ABCA4: variants seen among roughly 807,000 people sequenced by gnomAD.
The protein encoded by ABCA4 is ATP binding cassette subfamily A member 4, also known as retinal-specific phospholipid-transporting ATPase ABCA4.
In ABCA4, 196 loss-of-function variants were observed where a neutral mutation model predicts 263.7. The observed-to-expected ratio is 0.74, with a 90% CI of 0.66 to 0.84. The LOEUF (loss-of-function observed/expected upper bound fraction) is 0.84, where lower values mean the gene tolerates loss of function less well. Among genes scored for constraint, ABCA4 ranks in the 40% least tolerant of loss-of-function variants. The pLI is 0.00. For synonymous variants in ABCA4, 1,133 were observed against 1,094.2 expected, an observed-to-expected ratio of 1.04 and a Z score of -0.70; for missense variants, 2,792 against 2,855.1, an observed-to-expected ratio of 0.98 and a Z score of 0.50.
At chr1:94,013,691 T>C (rs1409686113) in intron 38 of ABCA4, among the ~76,000 whole-genome samples, 1 of 152,114 alleles carries the variant, frequency 6.6e-6, no homozygotes, top group Non-Finnish European at 1.5e-5. Flanking sequence ...CATCTGTCTC[T>C]GGACAGGGGG....
At chr1:94,115,305 C>T (rs1395967263) in intron 1 of ABCA4, among the ~76,000 whole-genome samples, 6 of 152,276 alleles carry the variant, frequency 3.9e-5, no homozygotes, top group Non-Finnish European at 7.3e-5. Flanking sequence ...TCACGTAGAT[C>T]GGCTGTCTTC....
At chr1:94,033,728 G>A (rs532968538) in intron 26 of ABCA4, among the ~76,000 whole-genome samples, 23 of 152,090 alleles carry the variant, frequency 1.5e-4, no homozygotes, top group East Asian at 3.9e-4. Context: ...TACCTATGAC[G>A]TGCCAGGCCT....
intron 1 of ABCA4, 93 bp downstream of exon 1, chr1:94,120,887 G>GGGCCC: frequency 2.9e-6 from 1 of 339,360 alleles, no homozygotes; most frequent in East Asian, 5.1e-5. Flanking sequence ...CCCCCACCCT[G>GGGCCC]CCCCACCACC....
rs1662207855 is a variant in ABCA4 at position 94,098,824 on chromosome 1, G to A, written c.738C>T (p.Ala246=). 2 of 1,614,044 alleles carry A rather than the reference G, an allele frequency of 1.2e-6. No individual in the cohort carries two copies. Among genetic ancestry groups the A allele is most frequent in the Admixed American group, 3.3e-5 (2 of 60,004 alleles). Residue 246 remains alanine, a synonymous_variant, in exon 6 of 50, where the codon GCC becomes GCT. Transcript: ENST00000370225. ...GGAAGAGCTTGAAGAAGTCCACGTT[G>A]GCATACAGAGTGTCTTCTATCCACT... ...TLQWIEDTLY[A]NVDFFKLFRV... is the part of the protein sequence containing the mutation.
intron 6 of ABCA4, among the ~76,000 whole-genome samples, chr1:94,088,913 G>A (rs1276063663): frequency 3.3e-5 from 5 of 152,254 alleles, no homozygotes; most frequent in Admixed American, 6.5e-5. Context: ...AAGTAAATCA[G>A]TCACAAGCTC....
chr1:94,101,372 C>T (rs556482042), intron 5 of ABCA4, among the ~76,000 whole-genome samples: 72 of 152,304 alleles, frequency 4.7e-4, no homozygotes, highest in African/African-American at 1.5e-3. Flanking sequence ...AGGGCCTGGC[C>T]GGAGCCGCAC....
chr1:94,024,516 C>T (rs1254893510), intron 31 of ABCA4, among the ~76,000 whole-genome samples: 1 of 152,226 alleles, frequency 6.6e-6, no homozygotes. Flanking sequence ...CTCTTTCCCA[C>T]CCTATCTTTT....
At chr1:94,017,575 T>G (rs1364621113) in intron 36 of ABCA4, among the ~76,000 whole-genome samples, 1 of 152,192 alleles carries the variant, frequency 6.6e-6, no homozygotes, top group Non-Finnish European at 1.5e-5. Context: ...AAGACATCAC[T>G]GGGGCAATGG....
intron 44 of ABCA4, among the ~76,000 whole-genome samples, chr1:94,003,747 C>A (rs1001073507): frequency 6.6e-6 from 1 of 152,168 alleles, no homozygotes; most frequent in Non-Finnish European, 1.5e-5. Flanking sequence ...ATTCCTCCCA[C>A]CTCAGCCACC....
intron 6 of ABCA4, among the ~76,000 whole-genome samples, chr1:94,091,033 G>A (rs1661953713): frequency 6.6e-6 from 1 of 152,166 alleles, no homozygotes; most frequent in Admixed American, 6.5e-5. Context: ...AGGAATTCCA[G>A]GTGGAGAAAG....
chr1:94,063,264 T>A lies in ABCA4; in HGVS notation c.1608A>T (p.Gln536His), dbSNP rs1557787865. Residue 536 changes from glutamine to histidine, a missense_variant, in exon 12 of 50, where the codon CAA (glutamine) becomes CAT (histidine). Physicochemically the swap from Gln to His is conservative, Grantham distance 24. Transcript: ENST00000370225. ...ESYNDETQLTQRALSLLEENM... is the reference protein window; with the variant it reads ...ESYNDETQLTHRALSLLEENM... Reference sequence around the variant, plus strand: ...TTTCCTCCAGTAGAGAGAGGGCACGTTGGGTGAGCTGAGTTTCATCATTGT... The same window carrying A: ...TTTCCTCCAGTAGAGAGAGGGCACGATGGGTGAGCTGAGTTTCATCATTGT... 3.1e-6 allele frequency: 5 copies of A among 1,614,114 alleles called. No individual in the cohort carries two copies. Among genetic ancestry groups the A allele is most frequent in the Non-Finnish European group, 4.2e-6 (5 of 1,180,014 alleles).
At chr1:94,064,813 G>A (rs1243500088) in intron 11 of ABCA4, among the ~76,000 whole-genome samples, 1 of 152,130 alleles carries the variant, frequency 6.6e-6, no homozygotes, top group Non-Finnish European at 1.5e-5. Context: ...CCCCGGACAC[G>A]TGCTTTCAGT....
chr1:94,097,808 G>A (rs993448830), intron 6 of ABCA4, among the ~76,000 whole-genome samples: 1 of 152,186 alleles, frequency 6.6e-6, no homozygotes, highest in African/African-American at 2.4e-5. Flanking sequence ...GGAGTGCAGT[G>A]GCGCAATCTC....
intron 11 of ABCA4, among the ~76,000 whole-genome samples, chr1:94,068,750 A>G (rs770838571): frequency 2.0e-4 from 31 of 152,178 alleles, no homozygotes; most frequent in Admixed American, 3.3e-4. Flanking sequence ...TGGCTATTGT[A>G]AGGGGCCAGT....
intron 8 of ABCA4, among the ~76,000 whole-genome samples, chr1:94,080,223 T>A (rs990533018): frequency 6.6e-6 from 1 of 152,188 alleles, no homozygotes; most frequent in Non-Finnish European, 1.5e-5. Flanking sequence ...TTCAATTACA[T>A]CAGTGGGAAA....
At chr1:94,021,746 G>T (rs1452048034) in intron 33 of ABCA4, 32 bp from the exon 34 acceptor site, 1 of 1,609,974 alleles carries the variant, frequency 6.2e-7, no homozygotes, top group South Asian at 1.1e-5. Context: ...AAACAAGACG[G>T]TTTTAATTTT....
At position 94,011,298 on chromosome 1, in the gene ABCA4, G is replaced by A. The variant is rs1192500569; in HGVS notation, c.5548C>T (p.Leu1850=). ...CLGRGLIDLA[L]SQAVTDVYAR... ...TAGACATCTGTCACAGCCTGGCTCA[G>A]TGCAAGGTCAATGAGGCCCCGGCCC... is the stretch of plus-strand genomic sequence containing the variant. The change falls in exon 39 of 50, where the codon CTG becomes TTG. Residue 1850 remains leucine (L), a synonymous_variant. Coordinates refer to ENST00000370225, the MANE Select transcript of ABCA4 (RefSeq NM_000350.3). 7 of 1,614,116 alleles carry A rather than the reference G, an allele frequency of 4.3e-6. No homozygotes were observed. The South Asian group carries it at 7.7e-5, about 18-fold the overall frequency.
rs1557768924 is a variant in ABCA4 at position 94,021,886 on chromosome 1, CCA to C, written c.4731_4732del (p.Gly1578ValfsTer18). The C allele has an allele frequency of 6.2e-7, 1 of 1,614,148 alleles. No homozygotes were observed. Among genetic ancestry groups the C allele is most frequent in the South Asian group, 1.1e-5 (1 of 91,074 alleles). On this transcript the variant is annotated frameshift_variant, in exon 33 of 50. Coordinates refer to ENST00000370225, the MANE Select transcript of ABCA4 (RefSeq NM_000350.3). LOFTEE classifies it high-confidence loss of function. ...GATCCGGCCAAGGTCGCTTAAAAACCCAACAAGTGCTTCCCCCGTGATGGGGA... is the reference window on the plus strand; with the variant it reads ...GATCCGGCCAAGGTCGCTTAAAAACCACAAGTGCTTCCCCCGTGATGGGGA...
At position 94,019,650 on chromosome 1, in the gene ABCA4, T is replaced by G. The variant is rs778747291; in HGVS notation, c.5128A>C (p.Lys1710Gln). 1.9e-6 allele frequency: 3 copies of G among 1,612,936 alleles called. No homozygotes were observed. The highest frequency in any genetic ancestry group is 8.5e-7 in the Non-Finnish European group (1 of 1,179,532). ...ACTCCACTGATAAACTGGAGGTGCTTGGATTTGTTCACCCGCTCCTGGATC... is the reference window on the plus strand; with the variant it reads ...ACTCCACTGATAAACTGGAGGTGCTGGGATTTGTTCACCCGCTCCTGGATC... ...YLIQERVNKS[K>Q]HLQFISGVSP... is the part of the protein sequence containing the mutation. Residue 1710 changes from lysine (K) to glutamine (Q), a missense_variant, in exon 36 of 50, where the codon AAG becomes CAG. Physicochemically the swap from Lys to Gln is moderately conservative, Grantham distance 53. Coordinates refer to ENST00000370225, the MANE Select transcript of ABCA4 (RefSeq NM_000350.3).
Sources: allele counts gnomAD v4.1 joint callset (sites outside exome capture counted in the v4.1 genomes callset), GRCh38; gene constraint gnomAD v4.1.1; transcripts MANE v1.5; gene names NCBI Gene and HGNC (gene_info 2026-07-23, HGNC 2026-07-21).